Variants in CDC42BPA observed in about 807,000 individuals in gnomAD.
The protein encoded by CDC42BPA is serine/threonine-protein kinase MRCK alpha.
CDC42BPA carries 80 observed loss-of-function variants against 223.5 expected under a neutral mutation model. That is an observed-to-expected ratio of 0.36 (90% CI 0.30 to 0.43). The LOEUF (loss-of-function observed/expected upper bound fraction) is 0.43. Ranked by LOEUF, CDC42BPA falls within the 20% of genes least tolerant of loss-of-function variation. The pLI is 1.00. For synonymous variants in CDC42BPA, 694 were observed against 718.6 expected, an observed-to-expected ratio of 0.97 and a Z score of 0.55; for missense variants, 1,743 against 2,099.9, an observed-to-expected ratio of 0.83 and a Z score of 3.32.
At chr1:227,259,486 C>A (rs148857340) in intron 1 of CDC42BPA, among the ~76,000 whole-genome samples, 1 of 150,964 alleles carries the variant, frequency 6.6e-6, no homozygotes, top group Non-Finnish European at 1.5e-5. Context: ...GGTGTTCTGG[C>A]GATTCCTGAC....
intron 17 of CDC42BPA, among the ~76,000 whole-genome samples, chr1:227,079,993 T>C (rs1246710000): frequency 1.3e-5 from 2 of 148,762 alleles, no homozygotes; most frequent in South Asian, 2.1e-4. Context: ...CTTTTTACAA[T>C]GTTTTATAAT....
chr1:227,257,735 T>C (rs996396654), intron 1 of CDC42BPA, among the ~76,000 whole-genome samples: 7 of 147,402 alleles, frequency 4.7e-5, no homozygotes, highest in South Asian at 2.2e-4. Context: ...GCCTGGGCGA[T>C]TGAGTGAGAC....
intron 12 of CDC42BPA, among the ~76,000 whole-genome samples, chr1:227,114,481 T>G (rs914196237): frequency 4.1e-5 from 6 of 147,810 alleles, no homozygotes; most frequent in African/African-American, 1.5e-4. Flanking sequence ...ATTTTAGAGA[T>G]CTAATGCAAG....
intron 1 of CDC42BPA, among the ~76,000 whole-genome samples, chr1:227,275,911 T>G (rs963965436): frequency 7.2e-5 from 11 of 152,154 alleles, no homozygotes; most frequent in African/African-American, 2.2e-4. Context: ...GTGCTCAATG[T>G]TGCCCAGGCT....
chr1:227,160,712 G>A (rs1663721262), intron 5 of CDC42BPA, 76 bp from the exon 6 acceptor site: 3 of 797,730 alleles, frequency 3.8e-6, no homozygotes, highest in Non-Finnish European at 6.1e-6. Flanking sequence ...CTTTTTGTCA[G>A]AAAAAAATCT....
intron 1 of CDC42BPA, chr1:227,264,755 T>C (rs1035347431): frequency 2.4e-6 from 2 of 838,318 alleles, no homozygotes; most frequent in Non-Finnish European, 4.1e-6. Flanking sequence ...ATCTTGGCCA[T>C]GAGGTCTTCC....
intron 32 of CDC42BPA, among the ~76,000 whole-genome samples, chr1:227,019,567 T>G (rs1490448982): frequency 2.0e-5 from 3 of 152,226 alleles, no homozygotes; most frequent in Non-Finnish European, 4.4e-5. Flanking sequence ...GAGGAATAAC[T>G]ATCTGTGGCA....
intron 32 of CDC42BPA, among the ~76,000 whole-genome samples, chr1:227,017,843 G>C (rs1238018755): frequency 6.6e-6 from 1 of 151,832 alleles, no homozygotes; most frequent in Non-Finnish European, 1.5e-5. Flanking sequence ...AATAAGATAA[G>C]GAAAAAGAGC....
Position 226,989,988 on chromosome 1 carries a change from CAA to C in CDC42BPA, c.*4278_*4279del, listed in dbSNP as rs1660520485. 6.6e-6 allele frequency: 1 copy of C among 152,556 alleles called. No individual in the cohort carries two copies. Among genetic ancestry groups the C allele is most frequent in the African/African-American group, 2.4e-5 (1 of 41,410 alleles). 9.5% of individuals were successfully genotyped at this position (152,556 alleles called of 1,614,324 possible). On this transcript the variant is annotated 3_prime_UTR_variant, in exon 37 of 37. Transcript: ENST00000366766. The stretch of plus-strand genomic sequence containing the variant: ...CCATCCCACCTTAAATATTTCTGTG[CAA>C]AAGAATCCACATCATTGTTTGGTAG...
chr1:227,047,712 G>A (rs964234454), intron 23 of CDC42BPA, among the ~76,000 whole-genome samples: 1 of 152,108 alleles, frequency 6.6e-6, no homozygotes, highest in African/African-American at 2.4e-5. Context: ...TATTATAACA[G>A]ACTTCAAAAC....
chr1:227,230,231 T>C (rs1572504402), intron 2 of CDC42BPA, among the ~76,000 whole-genome samples: 1 of 152,270 alleles, frequency 6.6e-6, no homozygotes, highest in South Asian at 2.1e-4. Context: ...ATAGTTCTTA[T>C]ACCTTCAAAC....
intron 1 of CDC42BPA, among the ~76,000 whole-genome samples, chr1:227,301,543 A>G (rs545219405): frequency 3.0e-4 from 45 of 152,210 alleles, no homozygotes; most frequent in Middle Eastern, 3.4e-3. Flanking sequence ...TATTTTTAGT[A>G]CAGACAGGGT....
At chr1:227,061,313 A>G (rs1675886744) in intron 21 of CDC42BPA, among the ~76,000 whole-genome samples, 4 of 152,170 alleles carry the variant, frequency 2.6e-5, no homozygotes, top group Admixed American at 2.6e-4. Flanking sequence ...TAATCATAAT[A>G]ACATTTATTA....
intron 1 of CDC42BPA, among the ~76,000 whole-genome samples, chr1:227,267,344 T>C (rs1360864523): frequency 2.0e-5 from 3 of 152,222 alleles, no homozygotes; most frequent in East Asian, 1.9e-4. Flanking sequence ...AAAGCTTAGA[T>C]AAGATCATCT....
chr1:227,191,428 C>T (rs1204235043), intron 5 of CDC42BPA, among the ~76,000 whole-genome samples: 8 of 151,408 alleles, frequency 5.3e-5, no homozygotes, highest in African/African-American at 1.2e-4. Context: ...GGAATAAATA[C>T]GATTCATTTA....
intron 1 of CDC42BPA, among the ~76,000 whole-genome samples, chr1:227,290,677 G>A (rs1309966504): frequency 6.6e-6 from 1 of 152,080 alleles, no homozygotes; most frequent in East Asian, 1.9e-4. Context: ...AGGATGGCAT[G>A]GCTGAGAAAG....
At chr1:227,163,085 C>A (rs1558649935) in intron 5 of CDC42BPA, among the ~76,000 whole-genome samples, 1 of 115,170 alleles carries the variant, frequency 8.7e-6, no homozygotes, top group Non-Finnish European at 1.9e-5. Flanking sequence ...TGTATGTTTC[C>A]AAACATGTGT....
At chr1:227,192,739 A>T (rs1669921989) in intron 5 of CDC42BPA, among the ~76,000 whole-genome samples, 1 of 152,152 alleles carries the variant, frequency 6.6e-6, no homozygotes, top group Admixed American at 6.5e-5. Context: ...TGGTATTTTT[A>T]AAATTTTTAA....
intron 5 of CDC42BPA, among the ~76,000 whole-genome samples, chr1:227,174,374 A>G (rs1666608946): frequency 6.6e-6 from 1 of 152,206 alleles, no homozygotes; most frequent in African/African-American, 2.4e-5. Flanking sequence ...GATTTTACAC[A>G]TTCCAAGAGG....
Sources: allele counts gnomAD v4.1 joint callset (sites outside exome capture counted in the v4.1 genomes callset), GRCh38; gene constraint gnomAD v4.1.1; transcripts MANE v1.5; gene names NCBI Gene and HGNC (gene_info 2026-07-23, HGNC 2026-07-21).